IL3RA: variants seen among roughly 807,000 people sequenced by gnomAD.
IL3RA encodes interleukin-3 receptor subunit alpha.
A neutral mutation model predicts 52.3 loss-of-function variants in IL3RA; 73 were observed. The ratio of observed to expected loss-of-function variants is 1.40; its 90% confidence interval spans 1.16 to 1.70. The LOEUF is 1.70. Ranked by LOEUF, IL3RA falls within the 40% of genes most tolerant of loss-of-function variation. The probability of loss-of-function intolerance (pLI) is 0.00; values close to 1 mark genes in which losing one functional copy is unlikely to be tolerated. For missense variants in IL3RA, 664 were observed against 504.4 expected (o/e 1.32, Z -3.03); for synonymous variants, 260 against 194.0 (o/e 1.34, Z -2.83).
rs191599866 is a variant in IL3RA, at chrX:1,341,143, T to C, written c.-38-585T>C. 1.5e-3 allele frequency among the ~76,000 whole-genome samples: 219 copies of C among 149,814 alleles called. 4 individuals are homozygous for C. The highest frequency in any genetic ancestry group is 4.9e-4 in the Non-Finnish European group (33 of 67,648). On this transcript the variant is annotated intron_variant, in intron 1 of 11. Transcript: ENST00000331035. ...AAAAAATAAATAAATAAATAAATAATACAAAAATTAGCCAGGCATGGTGGC... is the reference window on the plus strand; with the variant it reads ...AAAAAATAAATAAATAAATAAATAACACAAAAATTAGCCAGGCATGGTGGC...
intron 9 of IL3RA, among the ~76,000 whole-genome samples, chrX:1,377,634 T>G (rs2088865805): frequency 6.6e-6 from 1 of 151,176 alleles, no homozygotes; most frequent in South Asian, 2.1e-4. Context: ...AAGGTTATCG[T>G]CATAGGTTCT....
At chrX:1,339,780 G>A (rs1373546623) in intron 1 of IL3RA, among the ~76,000 whole-genome samples, 4 of 151,954 alleles carry the variant, frequency 2.6e-5, no homozygotes, top group Admixed American at 1.3e-4. Flanking sequence ...CAACAAGAGT[G>A]AGACTCCATC....
intron 3 of IL3RA, among the ~76,000 whole-genome samples, chrX:1,348,015 C>T (rs1338394162): frequency 7.0e-5 from 9 of 127,756 alleles, no homozygotes; most frequent in Admixed American, 2.7e-4. Flanking sequence ...CCAGCCTGGG[C>T]GACAGAGCGA....
intron 9 of IL3RA, among the ~76,000 whole-genome samples, chrX:1,378,356 C>G (rs1489341022): frequency 6.6e-6 from 1 of 152,132 alleles, no homozygotes; most frequent in Non-Finnish European, 1.5e-5. Context: ...AAGTCCCTGG[C>G]GCTCCCCGTG....
At chrX:1,357,879 G>A (rs2086858239) in intron 7 of IL3RA, among the ~76,000 whole-genome samples, 1 of 149,730 alleles carries the variant, frequency 6.7e-6, no homozygotes, top group Non-Finnish European at 1.5e-5. Context: ...GAGGCAGGAC[G>A]ATCACGAGGT....
intron 3 of IL3RA, 35 bp from the exon 4 acceptor site, chrX:1,348,396 T>TGTCAGCAGCCATCATAGTCC: frequency 6.8e-7 from 1 of 1,480,354 alleles, no homozygotes; most frequent in Non-Finnish European, 9.4e-7. Flanking sequence ...AAGCATGGTC[T>TGTCAGCAGCCATCATAGTCC]GTCAGCAGCC....
At chrX:1,342,995 A>T (rs2148883312) in intron 2 of IL3RA, among the ~76,000 whole-genome samples, 1 of 151,788 alleles carries the variant, frequency 6.6e-6, no homozygotes, top group East Asian at 2.0e-4. Context: ...GAGTCGCTTG[A>T]ACCCGGGAGG....
At chrX:1,363,843 C>G (rs1458427808) in intron 8 of IL3RA, among the ~76,000 whole-genome samples, 1 of 151,956 alleles carries the variant, frequency 6.6e-6, no homozygotes. Context: ...CCTCAGCCCC[C>G]CAAGTAGCTG....
intron 4 of IL3RA, among the ~76,000 whole-genome samples, chrX:1,349,998 C>G (rs1180109308): frequency 6.6e-6 from 1 of 151,830 alleles, no homozygotes; most frequent in African/African-American, 2.4e-5. Flanking sequence ...GGAGTTATGC[C>G]GAGTCGGAAA....
intron 2 of IL3RA, among the ~76,000 whole-genome samples, chrX:1,343,614 C>T (rs2085580720): frequency 6.9e-6 from 1 of 144,214 alleles, no homozygotes; most frequent in Admixed American, 7.0e-5. Flanking sequence ...TTGCCGTGAG[C>T]CAAGATCACG....
chrX:1,339,321 C>T (rs1429246531), intron 1 of IL3RA, among the ~76,000 whole-genome samples: 17 of 152,268 alleles, frequency 1.1e-4, no homozygotes, highest in Non-Finnish European at 1.2e-4. Flanking sequence ...AGGTGGGCTG[C>T]GGTCCCTCTG....
intron 9 of IL3RA, among the ~76,000 whole-genome samples, chrX:1,367,224 C>G (rs867956084): frequency 0.02 from 148 of 7,344 alleles, no homozygotes; most frequent in East Asian, 0.033. Context: ...CGGGGTGAGC[C>G]GGGTGCGCGG....
Position 1,341,802 on chromosome X carries a change from C to G in IL3RA, c.37C>G (p.Leu13Val). The G allele has an allele frequency of 6.2e-7, 1 of 1,613,940 alleles. No individual in the cohort carries two copies. Among genetic ancestry groups the G allele is most frequent in the South Asian group, 1.1e-5 (1 of 91,074 alleles). ...TTGGCTCACGCTGCTCCTGATCGCC[C>G]TGCCCTGTCTCCTGCAAACGAAGGA... Reference protein sequence around the residue: ...LLWLTLLLIALPCLLQTKEDP... With the variant: ...LLWLTLLLIAVPCLLQTKEDP... The change falls in exon 2 of 12, where the codon CTG becomes GTG. Residue 13 changes from leucine to valine, a missense_variant. Physicochemically the swap from Leu to Val is conservative, Grantham distance 32. Coordinates refer to ENST00000331035, the MANE Select transcript of IL3RA (RefSeq NM_002183.4).
intron 9 of IL3RA, among the ~76,000 whole-genome samples, chrX:1,376,641 G>A (rs1211875499): frequency 6.7e-6 from 1 of 149,836 alleles, no homozygotes; most frequent in South Asian, 2.1e-4. Flanking sequence ...TGAGGACACA[G>A]GGAGAAGACG....
intron 3 of IL3RA, among the ~76,000 whole-genome samples, chrX:1,347,227 C>G (rs184290170): frequency 0.011 from 1,621 of 150,608 alleles, 30 homozygotes; most frequent in Admixed American, 0.029. Flanking sequence ...GGGTGGATCA[C>G]GAGGTCAGGA....
chrX:1,368,680 G>T (rs1158321182), intron 9 of IL3RA, among the ~76,000 whole-genome samples: 2 of 152,066 alleles, frequency 1.3e-5, no homozygotes, highest in Non-Finnish European at 2.9e-5. Context: ...TGAGGACACA[G>T]ACACACACAG....
Position 1,381,051 on chromosome X carries a change from C to T in IL3RA, c.1009C>T (p.Arg337Cys), listed in dbSNP as rs140752269. 4.5e-5 allele frequency: 72 copies of T among 1,613,774 alleles called. No individual in the cohort carries two copies. The highest frequency in any genetic ancestry group is 3.3e-4 in the Middle Eastern group (2 of 6,056). The change falls in exon 11 of 12, where the codon CGC (arginine) becomes TGC (cysteine). Residue 337 changes from arginine (R) to cysteine (C), a missense_variant. Transcript: ENST00000331035. ...RYLVMQRLFP[R>C]IPHMKDPIGD... ...TCTGGTGATGCAGAGACTCTTTCCC[C>T]GCATCCCTCACATGAAAGACCCCAT...
At chrX:1,354,391 C>G (rs1299124010) in intron 6 of IL3RA, among the ~76,000 whole-genome samples, 6 of 151,448 alleles carry the variant, frequency 4.0e-5, no homozygotes, top group African/African-American at 1.2e-4. Flanking sequence ...GCCCTGAACC[C>G]AAGGGCAGGG....
intron 9 of IL3RA, 89 bp downstream of exon 9, chrX:1,365,341 G>A: frequency 2.1e-6 from 1 of 472,282 alleles, no homozygotes; most frequent in Admixed American, 6.1e-5. Flanking sequence ...GGGGTGCGCG[G>A]GGTGAGCGGG....
Sources: allele counts gnomAD v4.1 joint callset (sites outside exome capture counted in the v4.1 genomes callset), GRCh38; gene constraint gnomAD v4.1.1; transcripts MANE v1.5; gene names NCBI Gene and HGNC (gene_info 2026-07-23, HGNC 2026-07-21).